The following AHRR variants were observed in gnomAD, a reference collection of about 807,000 sequenced individuals.
AHRR encodes ahR repressor.
Under a neutral mutation model 44.0 loss-of-function variants are expected in AHRR, and 28 were observed. The observed-to-expected ratio is 0.64, with a 90% confidence interval of 0.47 to 0.87. The LOEUF (loss-of-function observed/expected upper bound fraction) is 0.87. Ranked by LOEUF, AHRR falls within the 40% of genes least tolerant of loss-of-function variation. AHRR has a pLI of 0.00. For synonymous variants in AHRR, 434 were observed against 407.0 expected (o/e 1.07, Z -0.80); for missense variants, 990 against 953.9 (o/e 1.04, Z -0.50).
At chr5:385,584 T>G (rs1734146026) in intron 4 of AHRR, among the ~76,000 whole-genome samples, 3 of 152,272 alleles carry the variant, frequency 2.0e-5, no homozygotes, top group Non-Finnish European at 2.9e-5. Flanking sequence ...CTGTGGTTTC[T>G]GATGAGAAAT....
intron 3 of AHRR, among the ~76,000 whole-genome samples, chr5:366,485 A>C (rs2040513116): frequency 6.6e-6 from 1 of 152,218 alleles, no homozygotes; most frequent in South Asian, 2.1e-4. Context: ...ATTAATGGCT[A>C]TAAGAAGAGA....
chr5:361,319 A>G (rs1743169622), intron 3 of AHRR, among the ~76,000 whole-genome samples: 1 of 152,228 alleles, frequency 6.6e-6, no homozygotes, highest in African/African-American at 2.4e-5. Flanking sequence ...GTGAGCCAGG[A>G]GCCCAGCCGG....
intron 1 of AHRR, among the ~76,000 whole-genome samples, chr5:324,021 T>TTCTCTTTCTTTC (rs1553975199): frequency 8.1e-4 from 107 of 132,476 alleles, no homozygotes; most frequent in African/African-American, 3.2e-3. Context: ...CTTTCTTTCT[T>TTCTCTTTCTTTC]TCTCTCTCTC....
chr5:435,050 T>C lies in AHRR; in HGVS notation c.*216T>C. 1.6e-6 allele frequency: 1 copy of C among 629,108 alleles called. No homozygotes were observed. Among genetic ancestry groups the C allele is most frequent in the Non-Finnish European group, 2.7e-6 (1 of 376,768 alleles). The allele number at this position is 629,108 out of a possible 1,614,324, so 39.0% of individuals were successfully genotyped here. A position where few individuals can be genotyped will look rare whatever the true frequency, so the allele number is the denominator to read the frequency against. On this transcript the variant is annotated 3_prime_UTR_variant, in exon 11 of 11. Coordinates refer to ENST00000684583, the MANE Select transcript of AHRR (RefSeq NM_001377236.1). ...AACAGTTCTTAAATGAAAACTGGCC[T>C]TAAGTCTATTCAAGCATGACAGCAT...
intron 1 of AHRR, among the ~76,000 whole-genome samples, chr5:334,575 C>T (rs1296345129): frequency 6.6e-6 from 1 of 151,856 alleles, no homozygotes; most frequent in Non-Finnish European, 1.5e-5. Context: ...TGGTAAATAT[C>T]TCATTCATAT....
intron 3 of AHRR, among the ~76,000 whole-genome samples, chr5:373,721 G>T (rs1743662244): frequency 6.6e-6 from 1 of 151,316 alleles, no homozygotes; most frequent in Non-Finnish European, 1.5e-5. Context: ...GGGGGACCTG[G>T]GGAGGCCGTG....
intron 1 of AHRR, among the ~76,000 whole-genome samples, chr5:332,395 G>C (rs909521101): frequency 6.6e-6 from 1 of 151,492 alleles, no homozygotes; most frequent in Non-Finnish European, 1.5e-5. Context: ...AGCCTCCTGA[G>C]TAGCTGGGAC....
chr5:344,497 T>G (rs1463945028), intron 2 of AHRR, among the ~76,000 whole-genome samples: 1 of 2,378 alleles, frequency 4.2e-4, no homozygotes, highest in East Asian at 6.5e-3. Flanking sequence ...GAGCTGTGTG[T>G]GTGTGGGTGT....
At chr5:371,339 C>T (rs1396519480) in intron 3 of AHRR, among the ~76,000 whole-genome samples, 4 of 152,186 alleles carry the variant, frequency 2.6e-5, no homozygotes, top group South Asian at 2.1e-4. Context: ...TGTGTGACAT[C>T]GGTCAGCACA....
intron 5 of AHRR, among the ~76,000 whole-genome samples, chr5:417,640 G>A (rs1349603782): frequency 2.0e-5 from 3 of 152,234 alleles, no homozygotes; most frequent in Non-Finnish European, 2.9e-5. Context: ...GGCAGGTGCT[G>A]TGCAGAGCAG....
At chr5:380,294 T>C (rs1733928621) in intron 4 of AHRR, among the ~76,000 whole-genome samples, 1 of 152,010 alleles carries the variant, frequency 6.6e-6, no homozygotes, top group East Asian at 1.9e-4. Flanking sequence ...TTCCTCAGAA[T>C]TGTTCTGGCT....
intron 5 of AHRR, among the ~76,000 whole-genome samples, chr5:416,308 T>C (rs1263967826): frequency 4.6e-5 from 7 of 152,238 alleles, no homozygotes; most frequent in Non-Finnish European, 1.0e-4. Flanking sequence ...CCTCATTTCC[T>C]GTGCCCACAC....
rs928273602 is a variant in AHRR at position 404,974 on chromosome 5, G to C, written c.352-8370G>C. The stretch of plus-strand genomic sequence containing the variant: ...ATTTCATGTCCTGCTGATTAATCCA[G>C]CTACTGAGAGGAAAATAGTGATTTC... On this transcript the variant is annotated intron_variant, in intron 4 of 10. Transcript: ENST00000684583. The surrounding 1 kb of genome is among the most constrained non-coding windows in gnomAD (Gnocchi z 4.1). Among the ~76,000 whole-genome samples the C allele has an allele frequency of 1.3e-5, 2 of 152,082 alleles. No homozygotes were observed. Among genetic ancestry groups the C allele is most frequent in the African/African-American group, 4.8e-5 (2 of 41,400 alleles).
rs753110504 is a variant in AHRR, at chr5:326,071, C to T, written c.-11+4252C>T. Among the ~76,000 whole-genome samples the T allele has an allele frequency of 7.2e-5, 11 of 152,246 alleles. No individual in the cohort carries two copies. The highest frequency in any genetic ancestry group is 1.2e-4 in the Non-Finnish European group (8 of 68,042). On this transcript the variant is annotated intron_variant, in intron 1 of 10. Transcript: ENST00000684583. This position sits in a 1 kb window ranked among gnomAD's most constrained non-coding sequence, Gnocchi z 4.1. ...GTGCTGGGATTACAGGCGTGAGCCA[C>T]TGCGGCCGGCCTCTTTGTATTTTCT...
At chr5:375,698 C>T (rs530607837) in intron 3 of AHRR, among the ~76,000 whole-genome samples, 83 of 152,200 alleles carry the variant, frequency 5.5e-4, no homozygotes, top group Non-Finnish European at 9.3e-4. Context: ...TGCTGGGGTG[C>T]GCTTTGGTCC....
In AHRR at chr5:395,645, C is replaced by T. The variant is rs753208997; in HGVS notation, c.352-17699C>T. Among the ~76,000 whole-genome samples the T allele has an allele frequency of 2.6e-5, 4 of 152,342 alleles. No individual in the cohort carries two copies. Among genetic ancestry groups the T allele is most frequent in the East Asian group, 1.9e-4 (1 of 5,190 alleles). On this transcript the variant is annotated intron_variant, in intron 4 of 10. Coordinates refer to ENST00000684583, the MANE Select transcript of AHRR (RefSeq NM_001377236.1). The surrounding 1 kb of genome is among the most constrained non-coding windows in gnomAD (Gnocchi z 5.3). ...GCCGCTCGGCAGACGGTCATCGGGC[C>T]GCGCTGCTGCTCTGGTGTGGTTTCT...
intron 3 of AHRR, 144 bp downstream of exon 3, chr5:354,055 C>A (rs983594365): frequency 5.5e-6 from 5 of 913,962 alleles, no homozygotes; most frequent in Non-Finnish European, 8.1e-6. Flanking sequence ...GCCCCCAGAA[C>A]CTGGAGACTT....
intron 4 of AHRR, among the ~76,000 whole-genome samples, chr5:392,216 C>T (rs1279848130): frequency 1.9e-5 from 1 of 53,052 alleles, no homozygotes; most frequent in African/African-American, 1.7e-4. Flanking sequence ...AGGGCCAGAG[C>T]GTGCACGGGC....
chr5:324,433 TA>T (rs34437907), intron 1 of AHRR, among the ~76,000 whole-genome samples: 1 of 147,724 alleles, frequency 6.8e-6, no homozygotes, highest in East Asian at 2.0e-4. Context: ...TTTTTTTTAA[TA>T]AAAATATATT....
Sources: allele counts gnomAD v4.1 joint callset (sites outside exome capture counted in the v4.1 genomes callset), GRCh38; gene constraint gnomAD v4.1.1; non-coding constraint Gnocchi (gnomAD v3.1); transcripts MANE v1.5; gene names NCBI Gene and HGNC (gene_info 2026-07-23, HGNC 2026-07-21).